AGPAT4: variants seen among roughly 807,000 people sequenced by gnomAD.
The protein encoded by AGPAT4 is 1-acylglycerol-3-phosphate O-acyltransferase 4.
In AGPAT4, 15 loss-of-function variants were observed where a neutral mutation model predicts 48.0. The observed-to-expected ratio is 0.31, with a 90% confidence interval of 0.21 to 0.48. The LOEUF (loss-of-function observed/expected upper bound fraction) is 0.48. AGPAT4 is among the 20% of genes least tolerant of loss of function. AGPAT4 has a pLI of 0.99. For synonymous variants in AGPAT4, 178 were observed against 198.7 expected (o/e 0.90, Z 0.88); for missense variants, 314 against 482.5 (o/e 0.65, Z 3.27).
At position 161,155,090 on chromosome 6, in the gene AGPAT4, T is replaced by C. The variant is rs1414814440; in HGVS notation, c.349-780A>G. Among the ~76,000 whole-genome samples the C allele has an allele frequency of 6.6e-6, 1 of 152,116 alleles. No individual in the cohort carries two copies. The highest frequency in any genetic ancestry group is 2.4e-5 in the African/African-American group (1 of 41,438). On this transcript the variant is annotated intron_variant, in intron 3 of 8. Transcript: ENST00000320285. The surrounding 1 kb of genome is among the most constrained non-coding windows in gnomAD (Gnocchi z 5.8). ...CACCTGCCAGAGACCTTCTTGAGGC[T>C]GACGCAGGTGCACGAGCTAGGCCCC... is the stretch of plus-strand genomic sequence containing the variant.
rs899187962 is a variant in AGPAT4 at position 161,233,072 on chromosome 6, T to TCA, written c.-89-772_-89-771dup. Among the ~76,000 whole-genome samples, 6 of 150,616 alleles carry TCA rather than the reference T, an allele frequency of 4.0e-5. No homozygotes were observed. The highest frequency in any genetic ancestry group is 1.5e-4 in the African/African-American group (6 of 40,916). On this transcript the variant is annotated intron_variant, in intron 1 of 8. Coordinates refer to ENST00000320285, the MANE Select transcript of AGPAT4 (RefSeq NM_020133.3). This position sits in a 1 kb window ranked among gnomAD's most constrained non-coding sequence, Gnocchi z 5.4. ...GAAAACTACCCCCACCACACCCTGGTCACACACACAGAGACACATAGACAC... is the reference window on the plus strand; with the variant it reads ...GAAAACTACCCCCACCACACCCTGGTCACACACACACAGAGACACATAGACAC...
rs1779059978 is a variant in AGPAT4 at position 161,136,206 on chromosome 6, TG to T, written c.*333del. 2 of 274,928 alleles carry T rather than the reference TG, an allele frequency of 7.3e-6. No homozygotes were observed. Among genetic ancestry groups the T allele is most frequent in the Non-Finnish European group, 1.4e-5 (2 of 144,638 alleles). 17.0% of individuals were successfully genotyped at this position (274,928 alleles called of 1,614,324 possible). ...AGCACCAAAGGATGAAAGGGGAACTTGTCCCCTTCGGTCCCCAGCCCTGCCC... is the reference window on the plus strand; with the variant it reads ...AGCACCAAAGGATGAAAGGGGAACTTTCCCCTTCGGTCCCCAGCCCTGCCC... On this transcript the variant is annotated 3_prime_UTR_variant, in exon 9 of 9. Coordinates refer to ENST00000320285, the MANE Select transcript of AGPAT4 (RefSeq NM_020133.3).
Position 161,214,518 on chromosome 6 carries a change from C to A in AGPAT4, c.178+17518G>T, listed in dbSNP as rs1030677440. On this transcript the variant is annotated intron_variant, in intron 2 of 8. Transcript: ENST00000320285. This position sits in a 1 kb window ranked among gnomAD's most constrained non-coding sequence, Gnocchi z 5.4. ...TGGTGGCTCATGCCTGTAATCCCAG[C>A]CCTTTGGGAGGTCAAGGCAGGCGGA... Among the ~76,000 whole-genome samples, 6 of 152,152 alleles carry A rather than the reference C, an allele frequency of 3.9e-5. No individual in the cohort carries two copies. Among genetic ancestry groups the A allele is most frequent in the Admixed American group, 2.0e-4 (3 of 15,282 alleles).
intron 5 of AGPAT4, among the ~76,000 whole-genome samples, chr6:161,150,119 T>C (rs11965825): frequency 0.15 from 23,402 of 152,166 alleles, 2,410 homozygotes; most frequent in African/African-American, 0.29. Context: ...AGGAATTGGA[T>C]TGTAGTCAGT....
chr6:161,169,801 A>C lies in AGPAT4; in HGVS notation c.179-3384T>G, dbSNP rs1254100587. On this transcript the variant is annotated intron_variant, in intron 2 of 8. Transcript: ENST00000320285. This position sits in a 1 kb window ranked among gnomAD's most constrained non-coding sequence, Gnocchi z 5.0. ...ACGCTGGCCTGGACTACATTTCCCA[A>C]ACTTCCCTTTCTTGTATATTTCTGG... Among the ~76,000 whole-genome samples, 1 of 152,162 alleles carries C rather than the reference A, an allele frequency of 6.6e-6. No homozygotes were observed. The highest frequency in any genetic ancestry group is 1.5e-5 in the Non-Finnish European group (1 of 68,026).
Position 161,231,397 on chromosome 6 carries a change from T to C in AGPAT4, c.178+639A>G, listed in dbSNP as rs910449037. 2.7e-5 allele frequency among the ~76,000 whole-genome samples: 4 copies of C among 150,314 alleles called. No individual in the cohort carries two copies. The highest frequency in any genetic ancestry group is 4.4e-5 in the Non-Finnish European group (3 of 68,016). On this transcript the variant is annotated intron_variant, in intron 2 of 8. Coordinates refer to ENST00000320285, the MANE Select transcript of AGPAT4 (RefSeq NM_020133.3). This position sits in a 1 kb window ranked among gnomAD's most constrained non-coding sequence, Gnocchi z 5.3. ...CATACACACACACAAATGAGTGTACTTAAAAGTGGAGAAATAGGAGTAGGG... is the reference window on the plus strand; with the variant it reads ...CATACACACACACAAATGAGTGTACCTAAAAGTGGAGAAATAGGAGTAGGG...
In AGPAT4 at chr6:161,268,561, C is replaced by T. The variant is rs556637018; in HGVS notation, c.-90+5377G>A. 7.2e-5 allele frequency among the ~76,000 whole-genome samples: 11 copies of T among 152,232 alleles called. No homozygotes were observed. In the South Asian group the frequency reaches 2.3e-3, roughly 32 times the overall value. On this transcript the variant is annotated intron_variant, in intron 1 of 8. Transcript: ENST00000320285. ...AACATAAAATTCAAAATGCACCTCT[C>T]GTCTTGGAGGATCCCACACAGAAAT... is the stretch of plus-strand genomic sequence containing the variant.
chr6:161,254,876 G>C lies in AGPAT4; in HGVS notation c.-90+19062C>G, dbSNP rs1782904038. Among the ~76,000 whole-genome samples the C allele has an allele frequency of 6.6e-6, 1 of 152,222 alleles. No homozygotes were observed. Among genetic ancestry groups the C allele is most frequent in the Non-Finnish European group, 1.5e-5 (1 of 68,040 alleles). ...CTTCAAAGGACTTCCTGGTTTCTAA[G>C]AAAGCAAATCCTGGCAAGGCTGGAG... On this transcript the variant is annotated intron_variant, in intron 1 of 8. Coordinates refer to ENST00000320285, the MANE Select transcript of AGPAT4 (RefSeq NM_020133.3). This position sits in a 1 kb window ranked among gnomAD's most constrained non-coding sequence, Gnocchi z 5.9.
intron 2 of AGPAT4, among the ~76,000 whole-genome samples, chr6:161,173,172 C>G (rs1780327806): frequency 2.0e-5 from 3 of 152,290 alleles, no homozygotes; most frequent in Admixed American, 2.0e-4. Context: ...AACGGGATGG[C>G]TGGGTCAAAT....
chr6:161,215,909 T>C lies in AGPAT4; in HGVS notation c.178+16127A>G, dbSNP rs3798935. Among the ~76,000 whole-genome samples, 26,923 of 152,156 alleles carry C rather than the reference T, an allele frequency of 0.18. 2,923 individuals are homozygous for C. Among genetic ancestry groups the C allele is most frequent in the East Asian group, 0.42 (2,145 of 5,140 alleles). On this transcript the variant is annotated intron_variant, in intron 2 of 8. Coordinates refer to ENST00000320285, the MANE Select transcript of AGPAT4 (RefSeq NM_020133.3). The surrounding 1 kb of genome is among the most constrained non-coding windows in gnomAD (Gnocchi z 4.5). The stretch of plus-strand genomic sequence containing the variant: ...GAGCAGACATAGTCAAGTTTATCTA[T>C]GCCGGCAAGCAAAACTCTTCGCATG...
rs1783292742 is a variant in AGPAT4, at chr6:161,267,208, G to C, written c.-90+6730C>G. On this transcript the variant is annotated intron_variant, in intron 1 of 8. Transcript: ENST00000320285. This position sits in a 1 kb window ranked among gnomAD's most constrained non-coding sequence, Gnocchi z 5.2. The stretch of plus-strand genomic sequence containing the variant: ...TCACTCAGATGGTTTTAATCACAAG[G>C]CCCTTTCCCTTCTCCCACCATCTCT... 6.6e-6 allele frequency among the ~76,000 whole-genome samples: 1 copy of C among 152,038 alleles called. No homozygotes were observed. The highest frequency in any genetic ancestry group is 2.4e-5 in the African/African-American group (1 of 41,378).
At position 161,155,856 on chromosome 6, in the gene AGPAT4, C is replaced by CTA. The variant is rs1401792279; in HGVS notation, c.349-1548_349-1547dup. Among the ~76,000 whole-genome samples, 1 of 152,208 alleles carries CTA rather than the reference C, an allele frequency of 6.6e-6. No individual in the cohort carries two copies. Among genetic ancestry groups the CTA allele is most frequent in the Non-Finnish European group, 1.5e-5 (1 of 68,036 alleles). ...CCAAACATGCAGTCATTTGAAGGAG[C>CTA]TATAAATGATGATTGGTTCTGCAGC... On this transcript the variant is annotated intron_variant, in intron 3 of 8. Coordinates refer to ENST00000320285, the MANE Select transcript of AGPAT4 (RefSeq NM_020133.3). This position sits in a 1 kb window ranked among gnomAD's most constrained non-coding sequence, Gnocchi z 5.8.
intron 2 of AGPAT4, among the ~76,000 whole-genome samples, chr6:161,183,249 G>A (rs549254630): frequency 6.6e-6 from 1 of 152,222 alleles, no homozygotes; most frequent in Admixed American, 6.5e-5. Flanking sequence ...CTGCACAGGA[G>A]CTTGGATGTG....
At position 161,137,951 on chromosome 6, in the gene AGPAT4, T is replaced by G. The variant is rs1779126217; in HGVS notation, c.1043-1317A>C. On this transcript the variant is annotated intron_variant, in intron 8 of 8. Coordinates refer to ENST00000320285, the MANE Select transcript of AGPAT4 (RefSeq NM_020133.3). This position sits in a 1 kb window ranked among gnomAD's most constrained non-coding sequence, Gnocchi z 6.1. ...TGGGCAGTGCTCAGGCTTCTTTTTT[T>G]GGTACTCGCTACACAGCTGGGTGGC... Among the ~76,000 whole-genome samples, 1 of 152,238 alleles carries G rather than the reference T, an allele frequency of 6.6e-6. No homozygotes were observed. Among genetic ancestry groups the G allele is most frequent in the Admixed American group, 6.5e-5 (1 of 15,286 alleles).
At chr6:161,182,294 C>A (rs572316961) in intron 2 of AGPAT4, among the ~76,000 whole-genome samples, 47 of 148,884 alleles carry the variant, frequency 3.2e-4, no homozygotes, top group African/African-American at 1.1e-3. Context: ...TCATCCCAGC[C>A]TCTCACCCTA....
chr6:161,169,449 T>G lies in AGPAT4; in HGVS notation c.179-3032A>C, dbSNP rs900135095. On this transcript the variant is annotated intron_variant, in intron 2 of 8. Coordinates refer to ENST00000320285, the MANE Select transcript of AGPAT4 (RefSeq NM_020133.3). The surrounding 1 kb of genome is among the most constrained non-coding windows in gnomAD (Gnocchi z 5.0). Reference sequence around the variant, plus strand: ...CTGAACCTCACTGGATAAAAGAGCTTGATTTCCCTTTTTTGTTTTTTCCTT... The same window carrying G: ...CTGAACCTCACTGGATAAAAGAGCTGGATTTCCCTTTTTTGTTTTTTCCTT... Among the ~76,000 whole-genome samples the G allele has an allele frequency of 6.6e-6, 1 of 152,050 alleles. No homozygotes were observed. Among genetic ancestry groups the G allele is most frequent in the African/African-American group, 2.4e-5 (1 of 41,400 alleles).
In AGPAT4 at chr6:161,225,431, A is replaced by G. The variant is rs999071686; in HGVS notation, c.178+6605T>C. On this transcript the variant is annotated intron_variant, in intron 2 of 8. Transcript: ENST00000320285. This position sits in a 1 kb window ranked among gnomAD's most constrained non-coding sequence, Gnocchi z 5.0. ...CTGTAAGGGTGCACCCTTCTATAGA[A>G]GTAACTTGCCTTGCTGAGAATTAAA... Among the ~76,000 whole-genome samples, 4 of 152,244 alleles carry G rather than the reference A, an allele frequency of 2.6e-5. No homozygotes were observed. Among genetic ancestry groups the G allele is most frequent in the African/African-American group, 9.6e-5 (4 of 41,464 alleles).
rs563055860 is a variant in AGPAT4 at position 161,198,567 on chromosome 6, T to G, written c.179-32150A>C. Reference sequence around the variant, plus strand: ...CAAACACTACCTTTATGGTAGAATTTAGACACATAATTGCTCAGGCTGGGT... The same window carrying G: ...CAAACACTACCTTTATGGTAGAATTGAGACACATAATTGCTCAGGCTGGGT... On this transcript the variant is annotated intron_variant, in intron 2 of 8. Coordinates refer to ENST00000320285, the MANE Select transcript of AGPAT4 (RefSeq NM_020133.3). This position sits in a 1 kb window ranked among gnomAD's most constrained non-coding sequence, Gnocchi z 4.3. Among the ~76,000 whole-genome samples, 11 of 152,364 alleles carry G rather than the reference T, an allele frequency of 7.2e-5. No homozygotes were observed. The South Asian group carries it at 2.3e-3, about 32-fold the overall frequency.
In AGPAT4 at chr6:161,243,902, T is replaced by C. The variant is rs557989821; in HGVS notation, c.-89-11600A>G. On this transcript the variant is annotated intron_variant, in intron 1 of 8. Transcript: ENST00000320285. The surrounding 1 kb of genome is among the most constrained non-coding windows in gnomAD (Gnocchi z 4.8). The stretch of plus-strand genomic sequence containing the variant: ...GACTCCTAAGATCCTCAAAGCCCAC[T>C]CACAAGTTTTAATGAAATGATTATG... Among the ~76,000 whole-genome samples the C allele has an allele frequency of 3.9e-5, 6 of 152,306 alleles. No individual in the cohort carries two copies. Among genetic ancestry groups the C allele is most frequent in the Admixed American group, 3.3e-4 (5 of 15,300 alleles).
Sources: gnomAD v4.1 joint callset for allele counts (sites outside exome capture counted in the v4.1 genomes callset) on GRCh38, gnomAD v4.1.1 for gene constraint, Gnocchi (gnomAD v3.1) non-coding constraint, MANE v1.5 for transcripts, NCBI Gene and HGNC (gene_info 2026-07-23, HGNC 2026-07-21) for gene names.